The following HMGB1 variants were observed in gnomAD, a reference collection of about 807,000 sequenced individuals.
The protein encoded by HMGB1 is high mobility group protein B1.
For synonymous variants in HMGB1, 81 were observed against 84.0 expected, an observed-to-expected ratio of 0.96 and a Z score of 0.19; for missense variants, 79 against 253.5, an observed-to-expected ratio of 0.31 and a Z score of 4.67.
At chr13:30,579,301 A>G (rs984629432) in intron 1 of HMGB1, among the ~76,000 whole-genome samples, 2 of 152,196 alleles carry the variant, frequency 1.3e-5, no homozygotes, top group Non-Finnish European at 2.9e-5. Context: ...TATGAAAAAG[A>G]GGATAGTAAA....
chr13:30,470,646 GT>G (rs1417627436), upstream of HMGB1, among the ~76,000 whole-genome samples: 1 of 152,042 alleles, frequency 6.6e-6, no homozygotes, highest in Non-Finnish European at 1.5e-5. Context: ...GCTTTTTATT[GT>G]TTTATTTTAT....
chr13:30,461,755 C>CT (rs1226200482), intron 4 of HMGB1: 30 of 1,169,532 alleles, frequency 2.6e-5, no homozygotes, highest in Non-Finnish European at 3.5e-5. Context: ...ATGGCATAGT[C>CT]TAATATTTGC....
intron 2 of HMGB1, 69 bp from the exon 3 acceptor site, chr13:30,463,421 T>C (rs866251338): frequency 1.9e-6 from 3 of 1,539,402 alleles, no homozygotes; most frequent in Middle Eastern, 1.7e-4. Context: ...CCAATGTCTT[T>C]TGCTATGTAA....
intron 1 of HMGB1, among the ~76,000 whole-genome samples, chr13:30,470,948 C>CATAT (rs1886908976): frequency 6.6e-6 from 1 of 150,956 alleles, no homozygotes; most frequent in Non-Finnish European, 1.5e-5. Context: ...CATGCCCAGA[C>CATAT]TTATTTATTT....
chr13:30,477,601 G>A (rs17074629), intron 1 of HMGB1, among the ~76,000 whole-genome samples: 21,080 of 152,234 alleles, frequency 0.14, 1,509 homozygotes, highest in South Asian at 0.25. Flanking sequence ...CTGCCAGGGA[G>A]GCCCAAGACA....
At chr13:30,544,054 C>T (rs1367792018) in intron 1 of HMGB1, among the ~76,000 whole-genome samples, 1 of 152,236 alleles carries the variant, frequency 6.6e-6, no homozygotes, top group East Asian at 1.9e-4. Flanking sequence ...TTGCACTCAA[C>T]TCTCAGCTAG....
At chr13:30,597,883 G>C (rs1241414740) in intron 1 of HMGB1, among the ~76,000 whole-genome samples, 3 of 152,020 alleles carry the variant, frequency 2.0e-5, no homozygotes, top group Non-Finnish European at 4.4e-5. Flanking sequence ...CTTTCCCTGG[G>C]CTCCTTTTTC....
chr13:30,497,989 GGGT>G (rs977913587), intron 1 of HMGB1, among the ~76,000 whole-genome samples: 2 of 152,140 alleles, frequency 1.3e-5, no homozygotes, highest in Non-Finnish European at 2.9e-5. Context: ...TGGAATTGCT[GGGT>G]GGAATGGTAG....
chr13:30,539,346 C>A (rs950718484), intron 1 of HMGB1, among the ~76,000 whole-genome samples: 11 of 152,180 alleles, frequency 7.2e-5, no homozygotes, highest in Non-Finnish European at 1.5e-5. Context: ...GGGGAACAGG[C>A]ATTAGGTTTT....
intron 1 of HMGB1, among the ~76,000 whole-genome samples, chr13:30,515,926 A>T (rs1370185900): frequency 6.6e-6 from 1 of 152,232 alleles, no homozygotes; most frequent in Non-Finnish European, 1.5e-5. Context: ...TCTATATAAC[A>T]AACCTACTTC....
chr13:30,515,440 G>T (rs1447071779), intron 1 of HMGB1, among the ~76,000 whole-genome samples: 1 of 152,148 alleles, frequency 6.6e-6, no homozygotes, highest in African/African-American at 2.4e-5. Flanking sequence ...TTTTTGTCAT[G>T]CAACAATAGA....
At chr13:30,485,763 C>T (rs1471564025) in intron 1 of HMGB1, among the ~76,000 whole-genome samples, 4 of 152,090 alleles carry the variant, frequency 2.6e-5, no homozygotes, top group African/African-American at 7.2e-5. Flanking sequence ...AACTTAGGGA[C>T]GCTTATGGGG....
chr13:30,465,174 G>A (rs1028878879), intron 1 of HMGB1: 11,189 of 953,044 alleles, frequency 0.012, 70 homozygotes, highest in Non-Finnish European at 0.013. Flanking sequence ...GCGCAGCGGC[G>A]CCGCTCCCCC....
chr13:30,465,233 C>T (rs1334453245), intron 1 of HMGB1: 1 of 355,800 alleles, frequency 2.8e-6, no homozygotes, highest in Non-Finnish European at 3.8e-6. Flanking sequence ...GCCGGCCGGG[C>T]CCGCACTGCC....
intron 1 of HMGB1, among the ~76,000 whole-genome samples, chr13:30,608,600 T>G (rs892826069): frequency 6.6e-6 from 1 of 152,192 alleles, no homozygotes; most frequent in African/African-American, 2.4e-5. Flanking sequence ...CAACTTCCTC[T>G]CTTCTTTCCA....
intron 1 of HMGB1, among the ~76,000 whole-genome samples, chr13:30,601,745 C>CA (rs914063726): frequency 0.14 from 512 of 3,544 alleles, 215 homozygotes; most frequent in Non-Finnish European, 0.17. Context: ...GACTCCGTCT[C>CA]AAAAAAAAAA....
intron 1 of HMGB1, among the ~76,000 whole-genome samples, chr13:30,493,050 G>A (rs1450209062): frequency 2.0e-5 from 3 of 149,778 alleles, no homozygotes; most frequent in South Asian, 2.1e-4. Context: ...CAACCTCGTC[G>A]TTCTGCCTCT....
upstream of HMGB1, among the ~76,000 whole-genome samples, chr13:30,468,652 A>G (rs1886854748): frequency 6.6e-6 from 1 of 152,192 alleles, no homozygotes; most frequent in African/African-American, 2.4e-5. Context: ...CAGAGACTAT[A>G]TCAGAGAGAA....
intron 1 of HMGB1, among the ~76,000 whole-genome samples, chr13:30,512,703 A>C (rs1183426613): frequency 6.6e-6 from 1 of 152,340 alleles, no homozygotes; most frequent in South Asian, 2.1e-4. Flanking sequence ...CAGTAATAAT[A>C]ATGATAATTA....
Sources: gnomAD v4.1 joint callset for allele counts (sites outside exome capture counted in the v4.1 genomes callset) on GRCh38, gnomAD v4.1.1 for gene constraint, MANE v1.5 for transcripts, NCBI Gene and HGNC (gene_info 2026-07-23, HGNC 2026-07-21) for gene names.